Variants in TNS3 observed in about 807,000 individuals in gnomAD.
The protein encoded by TNS3 is tensin-3.
In TNS3, 45 loss-of-function variants were observed where a neutral mutation model predicts 140.9. The ratio of observed to expected loss-of-function variants is 0.32; its 90% CI spans 0.25 to 0.41. The LOEUF (loss-of-function observed/expected upper bound fraction) is 0.41, where lower values mean the gene tolerates loss of function less well. TNS3 is among the 10% of genes least tolerant of loss of function. The probability of loss-of-function intolerance (pLI) is 1.00; values close to 1 mark genes in which losing one functional copy is unlikely to be tolerated. For missense variants in TNS3, 1,716 were observed against 1,906.7 expected (o/e 0.90, Z 1.86); for synonymous variants, 815 against 788.4 (o/e 1.03, Z -0.56).
intron 4 of TNS3, among the ~76,000 whole-genome samples, chr7:47,469,111 T>C (rs1796840205): frequency 6.6e-6 from 1 of 152,212 alleles, no homozygotes; most frequent in Non-Finnish European, 1.5e-5. Context: ...CAGATTTAAA[T>C]GTAAGACCTC....
chr7:47,313,058 G>A (rs1050928657), intron 20 of TNS3, among the ~76,000 whole-genome samples: 1 of 152,132 alleles, frequency 6.6e-6, no homozygotes, highest in Admixed American at 6.5e-5. Flanking sequence ...CTACTGCATG[G>A]AGGAACATGT....
In TNS3 at chr7:47,315,839, C is replaced by T. The variant is rs375415823; in HGVS notation, c.2651-10836G>A. On this transcript the variant is annotated intron_variant, in intron 20 of 30. Transcript: ENST00000311160. ...TCCTGTGTTCCCAATTTCCCGTGTT[C>T]CTGATAAGGCATAAAAATTATTCAC... Among the ~76,000 whole-genome samples the T allele has an allele frequency of 2.9e-4, 44 of 152,294 alleles. No homozygotes were observed. In the South Asian group the frequency reaches 9.1e-3, roughly 32 times the overall value.
At chr7:47,464,254 T>C (rs901275561) in intron 4 of TNS3, among the ~76,000 whole-genome samples, 1 of 152,216 alleles carries the variant, frequency 6.6e-6, no homozygotes, top group African/African-American at 2.4e-5. Context: ...TACAGCATTT[T>C]CTAGGCAAAC....
At chr7:47,479,600 G>C (rs1282909414) in intron 4 of TNS3, among the ~76,000 whole-genome samples, 2 of 152,158 alleles carry the variant, frequency 1.3e-5, no homozygotes, top group South Asian at 2.1e-4. Context: ...GCCCCGGACG[G>C]CCTCAGCTCT....
At chr7:47,362,759 A>G (rs1349040099) in intron 17 of TNS3, among the ~76,000 whole-genome samples, 1 of 139,150 alleles carries the variant, frequency 7.2e-6, no homozygotes, top group East Asian at 2.2e-4. Context: ...CACAGTCATC[A>G]CCGTCATCAT....
intron 17 of TNS3, among the ~76,000 whole-genome samples, chr7:47,363,995 G>A (rs1157871628): frequency 3.3e-5 from 5 of 152,100 alleles, no homozygotes; most frequent in African/African-American, 9.7e-5. Context: ...CACCTTCAAA[G>A]TGCAGGCACT....
intron 9 of TNS3, among the ~76,000 whole-genome samples, chr7:47,427,811 T>C (rs188397100): frequency 2.5e-3 from 379 of 152,272 alleles, no homozygotes; most frequent in African/African-American, 8.7e-3. Context: ...CCCTCATCCA[T>C]GCAATGGGAA....
At chr7:47,439,278 T>A (rs1260470148) in intron 6 of TNS3, among the ~76,000 whole-genome samples, 1 of 152,152 alleles carries the variant, frequency 6.6e-6, no homozygotes, top group Non-Finnish European at 1.5e-5. Flanking sequence ...CAGTCGTGTG[T>A]CCCTGAAAGC....
chr7:47,428,457 T>C, intron 8 of TNS3, 81 bp from the exon 9 acceptor site: 3 of 1,072,982 alleles, frequency 2.8e-6, no homozygotes, highest in Non-Finnish European at 3.8e-6. Context: ...GACTCACTAG[T>C]GGACAAAACA....
At chr7:47,477,576 G>A (rs569534345) in intron 4 of TNS3, among the ~76,000 whole-genome samples, 1 of 152,170 alleles carries the variant, frequency 6.6e-6, no homozygotes, top group Non-Finnish European at 1.5e-5. Flanking sequence ...GGAGGGCAGG[G>A]CATCTGAGAC....
intron 20 of TNS3, among the ~76,000 whole-genome samples, chr7:47,305,486 C>T (rs1417910148): frequency 6.6e-6 from 1 of 152,260 alleles, no homozygotes; most frequent in Non-Finnish European, 1.5e-5. Flanking sequence ...AGCCGGGCGG[C>T]CTAGGTGTCC....
chr7:47,306,233 T>G (rs1243780021), intron 20 of TNS3, among the ~76,000 whole-genome samples: 2 of 152,192 alleles, frequency 1.3e-5, no homozygotes, highest in African/African-American at 4.8e-5. Flanking sequence ...TGAGCACTGG[T>G]CTGTGGATTA....
At chr7:47,402,336 T>C (rs960328549) in intron 13 of TNS3, among the ~76,000 whole-genome samples, 2 of 152,172 alleles carry the variant, frequency 1.3e-5, no homozygotes, top group Non-Finnish European at 2.9e-5. Flanking sequence ...GCTGTAAACA[T>C]GGGGCTCAGA....
intron 13 of TNS3, 93 bp from the exon 14 acceptor site, chr7:47,401,007 G>A: frequency 6.4e-7 from 1 of 1,554,650 alleles, no homozygotes; most frequent in Non-Finnish European, 8.8e-7. Flanking sequence ...GGCACAGCAG[G>A]GCCTCCCCTC....
chr7:47,348,623 A>C (rs1015371535), intron 17 of TNS3, among the ~76,000 whole-genome samples: 1 of 152,246 alleles, frequency 6.6e-6, no homozygotes, highest in South Asian at 2.1e-4. Context: ...ATTTATCAAA[A>C]TATCACACTG....
chr7:47,434,846 G>A (rs1321784532), intron 8 of TNS3, among the ~76,000 whole-genome samples: 1 of 152,222 alleles, frequency 6.6e-6, no homozygotes, highest in Non-Finnish European at 1.5e-5. Context: ...CACGTTTACT[G>A]CAATGGCATC....
At chr7:47,482,172 G>A (rs992648224) in intron 3 of TNS3, among the ~76,000 whole-genome samples, 1 of 152,236 alleles carries the variant, frequency 6.6e-6, no homozygotes, top group Non-Finnish European at 1.5e-5. Flanking sequence ...AGAGTTTTCT[G>A]AAAATGTGCA....
At chr7:47,515,557 C>A (rs560664708) in intron 2 of TNS3, among the ~76,000 whole-genome samples, 4 of 151,734 alleles carry the variant, frequency 2.6e-5, no homozygotes, top group African/African-American at 9.7e-5. Context: ...CACACCATCA[C>A]CATCATCATC....
At chr7:47,421,550 G>C (rs1226183238) in intron 10 of TNS3, among the ~76,000 whole-genome samples, 1 of 152,066 alleles carries the variant, frequency 6.6e-6, no homozygotes, top group Non-Finnish European at 1.5e-5. Context: ...CGGGATTACA[G>C]GTTAGAGTCA....
Sources: gnomAD v4.1 joint callset for allele counts (sites outside exome capture counted in the v4.1 genomes callset) on GRCh38, gnomAD v4.1.1 for gene constraint, MANE v1.5 for transcripts, NCBI Gene and HGNC (gene_info 2026-07-23, HGNC 2026-07-21) for gene names.